Variants in BRAF observed in about 807,000 individuals in gnomAD.
The protein encoded by BRAF is B-Raf proto-oncogene, serine/threonine kinase, also known as serine/threonine-protein kinase B-raf.
In BRAF, 16 loss-of-function variants were observed where a neutral mutation model predicts 104.6. That is an observed-to-expected ratio of 0.15 (90% CI 0.10 to 0.23). The LOEUF (loss-of-function observed/expected upper bound fraction) is 0.23. Among genes scored for constraint, BRAF ranks in the 10% least tolerant of loss-of-function variants. BRAF has a pLI of 1.00. For synonymous variants in BRAF, 310 were observed against 341.6 expected (o/e 0.91, Z 1.02); for missense variants, 541 against 937.3 (o/e 0.58, Z 5.52).
At position 140,804,406 on chromosome 7, in the gene BRAF, T is replaced by TTG. The variant is rs1554403975; in HGVS notation, c.712-2847_712-2846insCA. Among the ~76,000 whole-genome samples the TTG allele has an allele frequency of 2.5e-3, 364 of 147,270 alleles. 1 individual carries two copies. Among genetic ancestry groups the TTG allele is most frequent in the African/African-American group, 8.8e-3 (337 of 38,488 alleles). ...TTTTAGTAGAGACAGGTTTTTTTTT[T>TTG]GGGGGGGGTGGTTAATACTTTTAAT... On this transcript the variant is annotated intron_variant, in intron 5 of 19. Coordinates refer to ENST00000644969, the MANE Select transcript of BRAF (RefSeq NM_001374258.1).
chr7:140,824,363 T>C (rs1185499697), intron 3 of BRAF: 1 of 152,220 alleles, frequency 6.6e-6, no homozygotes, highest in Non-Finnish European at 1.5e-5. Context: ...TTCTTTTGCA[T>C]GTGGATATTC....
chr7:140,777,195 T>C, intron 13 of BRAF, 107 bp from the exon 13 acceptor site: 1 of 1,098,490 alleles, frequency 9.1e-7, no homozygotes, highest in Non-Finnish European at 1.3e-6. Flanking sequence ...AGAAAAAGCT[T>C]TTTTTTTTTT....
In BRAF at chr7:140,813,117, G is replaced by C. The variant is rs1586256739; in HGVS notation, c.505-4122C>G. 2.0e-5 allele frequency among the ~76,000 whole-genome samples: 3 copies of C among 152,100 alleles called. No individual in the cohort carries two copies. The East Asian group carries it at 5.8e-4, about 29-fold the overall frequency. On this transcript the variant is annotated intron_variant, in intron 3 of 19. Transcript: ENST00000644969. ...ACATTAAAAGTGAAGTAAAAAGACA[G>C]TACAAATGGTGAAAAATATATTTGC...
Position 140,812,320 on chromosome 7 carries a change from C to T in BRAF, c.505-3325G>A, listed in dbSNP as rs1804370628. 2.6e-5 allele frequency among the ~76,000 whole-genome samples: 4 copies of T among 152,032 alleles called. No homozygotes were observed. In the South Asian group the frequency reaches 8.3e-4, roughly 32 times the overall value. ...CCCACGCTGAGTTCACTGAACTCAGCATTTAACCCATTCTAATATATAATC... is the reference window on the plus strand; with the variant it reads ...CCCACGCTGAGTTCACTGAACTCAGTATTTAACCCATTCTAATATATAATC... On this transcript the variant is annotated intron_variant, in intron 3 of 19. Coordinates refer to ENST00000644969, the MANE Select transcript of BRAF (RefSeq NM_001374258.1).
chr7:140,722,330 CTA>C lies in BRAF; in HGVS notation c.*4162_*4163del, dbSNP rs1171380454. ...TTACCTATGCAGTCTAAATTGCACT[CTA>C]AAAATTATTAACACAGCTGAGTTAA... On this transcript the variant is annotated 3_prime_UTR_variant, in exon 20 of 20. Transcript: ENST00000644969. 1 of 1,055,400 alleles carries C rather than the reference CTA, an allele frequency of 9.5e-7. No individual in the cohort carries two copies. The highest frequency in any genetic ancestry group is 1.1e-6 in the Non-Finnish European group (1 of 873,136). 65.4% of individuals were successfully genotyped at this position (1,055,400 alleles called of 1,614,324 possible). A position where few individuals can be genotyped will look rare whatever the true frequency, so the allele number is the denominator to read the frequency against.
At chr7:140,736,835 A>C (rs973596145) in intron 18 of BRAF, among the ~76,000 whole-genome samples, 20 of 152,068 alleles carry the variant, frequency 1.3e-4, no homozygotes, top group Admixed American at 1.2e-3. Flanking sequence ...CCAGGAGTTC[A>C]AGACCAGCCA....
At chr7:140,805,052 C>T (rs546935735) in intron 5 of BRAF, among the ~76,000 whole-genome samples, 3 of 152,162 alleles carry the variant, frequency 2.0e-5, no homozygotes, top group Admixed American at 6.5e-5. Context: ...GATCTGCCTG[C>T]CTCGGCCTCT....
intron 2 of BRAF, among the ~76,000 whole-genome samples, chr7:140,846,263 G>A (rs1271462375): frequency 6.6e-6 from 1 of 152,128 alleles, no homozygotes; most frequent in Non-Finnish European, 1.5e-5. Flanking sequence ...TCCACTGATG[G>A]ATGAATGGAT....
intron 19 of BRAF, chr7:140,731,803 T>C (rs1452145052): frequency 6.6e-6 from 1 of 152,210 alleles, no homozygotes; most frequent in African/African-American, 2.4e-5. Flanking sequence ...ACAAATCTTT[T>C]TCCTCATCAT....
At chr7:140,827,382 C>T (rs73494523) in intron 3 of BRAF, among the ~76,000 whole-genome samples, 12,771 of 152,108 alleles carry the variant, frequency 0.084, 1,695 homozygotes, top group African/African-American at 0.29. Flanking sequence ...CAAGACCAGT[C>T]GTTATGTCCA....
chr7:140,905,684 GTTCT>G (rs1402711705), intron 1 of BRAF, among the ~76,000 whole-genome samples: 3 of 151,218 alleles, frequency 2.0e-5, no homozygotes, highest in Non-Finnish European at 3.0e-5. Flanking sequence ...TGTCCTACTG[GTTCT>G]TTCTTTTCTT....
chr7:140,922,185 A>G (rs1818299252), intron 1 of BRAF, among the ~76,000 whole-genome samples: 1 of 152,224 alleles, frequency 6.6e-6, no homozygotes, highest in Admixed American at 6.5e-5. Flanking sequence ...AGTAGGAAAC[A>G]CTTGTTTTTT....
chr7:140,786,633 T>C (rs1801387076), intron 9 of BRAF, among the ~76,000 whole-genome samples: 1 of 152,218 alleles, frequency 6.6e-6, no homozygotes, highest in Non-Finnish European at 1.5e-5. Flanking sequence ...CATTTGTGTA[T>C]TTACTGACCT....
chr7:140,862,578 T>C (rs1164400508), intron 1 of BRAF, among the ~76,000 whole-genome samples: 4 of 152,190 alleles, frequency 2.6e-5, no homozygotes, highest in Admixed American at 1.3e-4. Flanking sequence ...CATAATTAAA[T>C]TCCAGAAATT....
intron 17 of BRAF, among the ~76,000 whole-genome samples, chr7:140,748,724 G>A (rs1797550043): frequency 6.6e-6 from 1 of 152,084 alleles, no homozygotes; most frequent in Non-Finnish European, 1.5e-5. Flanking sequence ...AGCTCCATGA[G>A]GCTATGTTAG....
At chr7:140,766,913 C>T (rs1346853594) in intron 14 of BRAF, among the ~76,000 whole-genome samples, 4 of 152,094 alleles carry the variant, frequency 2.6e-5, no homozygotes, top group Non-Finnish European at 4.4e-5. Context: ...AGCTGGTCTC[C>T]AACTCCTGAG....
intron 14 of BRAF, among the ~76,000 whole-genome samples, chr7:140,761,290 G>A (rs1227215329): frequency 2.6e-5 from 4 of 152,162 alleles, no homozygotes; most frequent in Middle Eastern, 3.4e-3. Flanking sequence ...GCCAAACTAA[G>A]CTTCATAAGT....
chr7:140,796,799 C>T (rs1052538048), intron 7 of BRAF, among the ~76,000 whole-genome samples: 37 of 152,232 alleles, frequency 2.4e-4, no homozygotes, highest in East Asian at 7.7e-4. Context: ...CTATGCTTAA[C>T]GAAAACAGTC....
intron 2 of BRAF, among the ~76,000 whole-genome samples, chr7:140,848,182 A>C (rs532866269): frequency 2.0e-4 from 31 of 152,296 alleles, no homozygotes; most frequent in African/African-American, 7.0e-4. Context: ...AAATAAGAAA[A>C]GCTGTCTGGG....
Sources: allele counts gnomAD v4.1 joint callset (sites outside exome capture counted in the v4.1 genomes callset), GRCh38; gene constraint gnomAD v4.1.1; transcripts MANE v1.5; gene names NCBI Gene and HGNC (gene_info 2026-07-23, HGNC 2026-07-21).